RAB11FIP4: variants seen among roughly 807,000 people sequenced by gnomAD.
The protein encoded by RAB11FIP4 is RAB11 family interacting protein 4.
Under a neutral mutation model 74.3 loss-of-function variants are expected in RAB11FIP4, and 23 were observed. The ratio of observed to expected loss-of-function variants is 0.31; its 90% CI spans 0.22 to 0.44. The LOEUF (loss-of-function observed/expected upper bound fraction) is 0.44, where lower values mean the gene tolerates loss of function less well. Ranked by LOEUF, RAB11FIP4 falls within the 20% of genes least tolerant of loss-of-function variation. RAB11FIP4 has a pLI of 1.00. For missense variants in RAB11FIP4, 630 were observed against 863.9 expected (o/e 0.73, Z 3.39); for synonymous variants, 360 against 359.9 (o/e 1.00, Z 0.00).
At chr17:31,476,353 GT>G (rs2071793038) in intron 3 of RAB11FIP4, among the ~76,000 whole-genome samples, 1 of 151,680 alleles carries the variant, frequency 6.6e-6, no homozygotes. Flanking sequence ...CCCAGCTAAT[GT>G]TTGTATTTTT....
At chr17:31,416,079 G>A (rs2071144991) in intron 1 of RAB11FIP4, among the ~76,000 whole-genome samples, 1 of 152,210 alleles carries the variant, frequency 6.6e-6, no homozygotes, top group South Asian at 2.1e-4. Context: ...CCTTATCGAA[G>A]CCCAGGCAGA....
At chr17:31,407,288 A>G (rs1344147794) in intron 1 of RAB11FIP4, among the ~76,000 whole-genome samples, 2 of 152,028 alleles carry the variant, frequency 1.3e-5, no homozygotes, top group Non-Finnish European at 2.9e-5. Flanking sequence ...GGATCAAGCA[A>G]TCCTCCTGCC....
At chr17:31,502,866 T>A (rs2072248132) in intron 3 of RAB11FIP4, among the ~76,000 whole-genome samples, 1 of 152,110 alleles carries the variant, frequency 6.6e-6, no homozygotes, top group Non-Finnish European at 1.5e-5. Flanking sequence ...TTCTTCTGAG[T>A]CCTCTCTCCT....
intron 1 of RAB11FIP4, among the ~76,000 whole-genome samples, chr17:31,392,917 C>T (rs1410759994): frequency 6.6e-6 from 1 of 152,214 alleles, no homozygotes; most frequent in Non-Finnish European, 1.5e-5. Context: ...CATCTAAGGC[C>T]TCAGGCCCTG....
chr17:31,431,608 T>A, intron 1 of RAB11FIP4: 2 of 525,920 alleles, frequency 3.8e-6, no homozygotes, highest in Non-Finnish European at 6.6e-6. Flanking sequence ...GAGCCGGTGT[T>A]GGCTCTGCTT....
chr17:31,538,066 G>A lies in RAB11FIP4; in HGVS notation c.*6334G>A, dbSNP rs2072997450. On this transcript the variant is annotated 3_prime_UTR_variant, in exon 15 of 15. Transcript: ENST00000621161. ...TGTGGGCCCCAGGGAGGGGACAGTG[G>A]GGGTGAGGCCCTGAGGCTGTCCAGG... The A allele has an allele frequency of 6.6e-6, 1 of 152,330 alleles. No individual in the cohort carries two copies. 9.4% of individuals were successfully genotyped at this position (152,330 alleles called of 1,614,324 possible).
chr17:31,471,229 ATT>A (rs35208927), intron 3 of RAB11FIP4, among the ~76,000 whole-genome samples: 11 of 139,868 alleles, frequency 7.9e-5, no homozygotes, highest in African/African-American at 1.3e-4. Context: ...TGCCCAGCTA[ATT>A]TTTTTTTTTT....
intron 3 of RAB11FIP4, among the ~76,000 whole-genome samples, chr17:31,452,587 C>T (rs1299954703): frequency 6.6e-6 from 1 of 152,156 alleles, no homozygotes; most frequent in Non-Finnish European, 1.5e-5. Context: ...TCTCTAGCAG[C>T]GCTTTTGTAA....
At chr17:31,453,849 C>T (rs1005797636) in intron 3 of RAB11FIP4, among the ~76,000 whole-genome samples, 4 of 151,768 alleles carry the variant, frequency 2.6e-5, no homozygotes, top group African/African-American at 7.3e-5. Flanking sequence ...GAAGGCTCTC[C>T]GCACTGTGGA....
At chr17:31,402,598 T>TTTATTTATTTA (rs1555541192) in intron 1 of RAB11FIP4, among the ~76,000 whole-genome samples, 1 of 142,752 alleles carries the variant, frequency 7.0e-6, no homozygotes, top group Non-Finnish European at 1.5e-5. Flanking sequence ...TTTTATTTAT[T>TTTATTTATTTA]TTTATTTATT....
chr17:31,490,166 A>C (rs1257821810), intron 3 of RAB11FIP4, among the ~76,000 whole-genome samples: 3 of 151,934 alleles, frequency 2.0e-5, no homozygotes, highest in Non-Finnish European at 4.4e-5. Flanking sequence ...CTCCCTCCCG[A>C]CCATCTGTGC....
chr17:31,487,097 G>A (rs1028973513), intron 3 of RAB11FIP4, among the ~76,000 whole-genome samples: 10 of 152,166 alleles, frequency 6.6e-5, no homozygotes, highest in Admixed American at 6.5e-4. Flanking sequence ...GAAGACTCAG[G>A]GAAGGCAAAG....
At chr17:31,464,434 G>A (rs178881) in intron 3 of RAB11FIP4, among the ~76,000 whole-genome samples, 6 of 152,026 alleles carry the variant, frequency 3.9e-5, no homozygotes. Flanking sequence ...GGATGGGGAT[G>A]GGACATTATC....
At chr17:31,526,114 C>T (rs1178224980) in intron 10 of RAB11FIP4, 1 of 152,266 alleles carries the variant, frequency 6.6e-6, no homozygotes, top group Non-Finnish European at 1.5e-5. Flanking sequence ...TGCTAAGTTA[C>T]CCACCAGGGG....
chr17:31,416,463 T>C lies in RAB11FIP4; in HGVS notation c.160-15350T>C, dbSNP rs115983290. ...GGCCGGTGTTGCTGAAGTTCTTGCC[T>C]GGCTCCCTTCCCATCCTGGCCTCAG... On this transcript the variant is annotated intron_variant, in intron 1 of 14. Coordinates refer to ENST00000621161, the MANE Select transcript of RAB11FIP4 (RefSeq NM_032932.6). Among the ~76,000 whole-genome samples the C allele has an allele frequency of 4.2e-3, 640 of 152,330 alleles. 1 individual carries two copies. The highest frequency in any genetic ancestry group is 0.024 in the Middle Eastern group (7 of 294).
intron 3 of RAB11FIP4, among the ~76,000 whole-genome samples, chr17:31,453,219 C>T (rs1252159033): frequency 2.0e-5 from 3 of 151,838 alleles, no homozygotes; most frequent in African/African-American, 7.3e-5. Flanking sequence ...GGCATGGTGG[C>T]GTGTGCCTGT....
In RAB11FIP4 at chr17:31,492,422, G is replaced by A. The variant is rs72624999; in HGVS notation, c.337-25229G>A. On this transcript the variant is annotated intron_variant, in intron 3 of 14. Coordinates refer to ENST00000621161, the MANE Select transcript of RAB11FIP4 (RefSeq NM_032932.6). ...ACCCCCCTGCTATGGGGTGGCTGAA[G>A]GTTGGGGTGCCCTCTGAGTTTTTGG... Among the ~76,000 whole-genome samples, 972 of 152,262 alleles carry A rather than the reference G, an allele frequency of 6.4e-3. 62 individuals are homozygous for A. In the East Asian group the frequency reaches 0.15, roughly 24 times the overall value.
chr17:31,524,803 T>A (rs973427003), intron 9 of RAB11FIP4: 2 of 508,288 alleles, frequency 3.9e-6, no homozygotes, highest in Non-Finnish European at 7.1e-6. Context: ...CCTGAGGTGG[T>A]TCCGGCCAGG....
At chr17:31,503,232 CA>C (rs2072254861) in intron 3 of RAB11FIP4, among the ~76,000 whole-genome samples, 3 of 144,960 alleles carry the variant, frequency 2.1e-5, no homozygotes, top group African/African-American at 8.7e-5. Context: ...TGGATTTCAA[CA>C]TGTTGGCCAG....
Sources: gnomAD v4.1 joint callset for allele counts (sites outside exome capture counted in the v4.1 genomes callset) on GRCh38, gnomAD v4.1.1 for gene constraint, MANE v1.5 for transcripts, NCBI Gene and HGNC (gene_info 2026-07-23, HGNC 2026-07-21) for gene names.